Variants in RPH3A observed in about 807,000 individuals in gnomAD.
RPH3A encodes the protein rabphilin 3A.
RPH3A carries 48 observed loss-of-function variants against 102.2 expected under a neutral mutation model. The observed-to-expected ratio is 0.47, with a 90% CI of 0.37 to 0.60. RPH3A has a LOEUF of 0.60. Ranked by LOEUF, RPH3A falls within the 20% of genes least tolerant of loss-of-function variation. The probability of loss-of-function intolerance (pLI) is 0.00; values close to 1 mark genes in which losing one functional copy is unlikely to be tolerated. For synonymous variants in RPH3A, 310 were observed against 324.3 expected (o/e 0.96, Z 0.47); for missense variants, 781 against 910.1 (o/e 0.86, Z 1.83).
At position 112,710,218 on chromosome 12, in the gene RPH3A, C is replaced by T. The variant is rs149446085; in HGVS notation, c.-139-81925C>T. The stretch of plus-strand genomic sequence containing the variant: ...GTCTCGATCTCCTGACCTCGTGATC[C>T]GCCTGTCTCGGCCTCCCAAAGTGCT... On this transcript the variant is annotated intron_variant, in intron 1 of 21. Transcript: ENST00000543106. Among the ~76,000 whole-genome samples, 248 of 152,228 alleles carry T rather than the reference C, an allele frequency of 1.6e-3. 2 individuals carry two copies. Among genetic ancestry groups the T allele is most frequent in the African/African-American group, 5.7e-3 (238 of 41,542 alleles).
At chr12:112,636,673 C>A (rs147196683) in intron 1 of RPH3A, among the ~76,000 whole-genome samples, 67 of 152,250 alleles carry the variant, frequency 4.4e-4, no homozygotes, top group African/African-American at 1.6e-3. Context: ...CCATCTGCCA[C>A]ACTTAGTTTA....
chr12:112,699,136 G>T (rs1244026063), intron 1 of RPH3A, among the ~76,000 whole-genome samples: 5 of 152,168 alleles, frequency 3.3e-5, no homozygotes, highest in African/African-American at 1.2e-4. Flanking sequence ...GCCCAGGCTT[G>T]TGTCAAACTC....
At chr12:112,895,620 C>G in intron 20 of RPH3A, 157 bp from the exon 21 acceptor site, 1 of 577,394 alleles carries the variant, frequency 1.7e-6, no homozygotes, top group African/African-American at 1.8e-5. Context: ...ATCACGGGAC[C>G]TGGGGCAGAG....
chr12:112,871,789 T>C (rs925723385), intron 10 of RPH3A, among the ~76,000 whole-genome samples: 1 of 149,126 alleles, frequency 6.7e-6, no homozygotes. Flanking sequence ...AAATATACAA[T>C]ATACAGTATA....
At chr12:112,731,307 T>A (rs915270211) in intron 1 of RPH3A, among the ~76,000 whole-genome samples, 4 of 152,090 alleles carry the variant, frequency 2.6e-5, no homozygotes, top group African/African-American at 9.7e-5. Flanking sequence ...AAGTTTCCAT[T>A]CTCTGTTTTT....
intron 3 of RPH3A, among the ~76,000 whole-genome samples, chr12:112,832,171 A>G (rs1290241774): frequency 6.6e-6 from 1 of 151,888 alleles, no homozygotes; most frequent in South Asian, 2.1e-4. Context: ...CGTATTTTAT[A>G]TCTCTTTACC....
chr12:112,682,524 G>A (rs1039672271), intron 1 of RPH3A, among the ~76,000 whole-genome samples: 1 of 152,016 alleles, frequency 6.6e-6, no homozygotes, highest in African/African-American at 2.4e-5. Context: ...ACCCAGTCAA[G>A]TTAACACATA....
chr12:112,693,503 G>T (rs1241367832), intron 1 of RPH3A, among the ~76,000 whole-genome samples: 1 of 152,140 alleles, frequency 6.6e-6, no homozygotes, highest in African/African-American at 2.4e-5. Context: ...TGGTCTACAA[G>T]GCCTACATGA....
At chr12:112,859,527 C>T (rs2042472041) in intron 5 of RPH3A, among the ~76,000 whole-genome samples, 1 of 152,078 alleles carries the variant, frequency 6.6e-6, no homozygotes. Flanking sequence ...GGTGTGTTTC[C>T]TTCCTGATGT....
intron 1 of RPH3A, among the ~76,000 whole-genome samples, chr12:112,634,208 C>T (rs1215149747): frequency 8.5e-6 from 1 of 117,734 alleles, no homozygotes; most frequent in Non-Finnish European, 1.7e-5. Flanking sequence ...ATTAGCCGGG[C>T]GTAGTGGCGG....
At chr12:112,848,883 G>A (rs576211527) in intron 5 of RPH3A, among the ~76,000 whole-genome samples, 2 of 152,184 alleles carry the variant, frequency 1.3e-5, no homozygotes, top group South Asian at 4.2e-4. Flanking sequence ...TATGTGTTTG[G>A]AGGACTCTTG....
intron 1 of RPH3A, among the ~76,000 whole-genome samples, chr12:112,765,389 C>A (rs2040881684): frequency 2.0e-5 from 3 of 152,026 alleles, no homozygotes; most frequent in African/African-American, 7.2e-5. Context: ...TATTTTTGCC[C>A]ACAACAAGGG....
chr12:112,862,661 GCCT>G (rs998422758), intron 5 of RPH3A, among the ~76,000 whole-genome samples: 1 of 152,146 alleles, frequency 6.6e-6, no homozygotes, highest in Non-Finnish European at 1.5e-5. Flanking sequence ...TGTGCATGGT[GCCT>G]CCTCAAGCGG....
At chr12:112,671,635 G>A (rs1051754322) in intron 1 of RPH3A, among the ~76,000 whole-genome samples, 3 of 152,098 alleles carry the variant, frequency 2.0e-5, no homozygotes, top group Non-Finnish European at 4.4e-5. Flanking sequence ...TGAGGGACAA[G>A]GCCTATGTTC....
At chr12:112,696,956 A>G (rs2040357269) in intron 1 of RPH3A, among the ~76,000 whole-genome samples, 1 of 151,704 alleles carries the variant, frequency 6.6e-6, no homozygotes, top group Non-Finnish European at 1.5e-5. Context: ...TTATAATATT[A>G]ATAGTAACAA....
intron 5 of RPH3A, 115 bp downstream of exon 5, chr12:112,847,957 A>C: frequency 8.3e-7 from 1 of 1,207,882 alleles, no homozygotes; most frequent in Admixed American, 2.5e-5. Flanking sequence ...GGGCTTTGCC[A>C]TTTGTGACTT....
chr12:112,883,787 T>A lies in RPH3A; in HGVS notation c.1436+385T>A, dbSNP rs575172978. On this transcript the variant is annotated intron_variant, in intron 16 of 21. Coordinates refer to ENST00000389385, the MANE Select transcript of RPH3A (RefSeq NM_001143854.2). ...AGAATACACTGATGCCATTTCACAT[T>A]CTTCTACAGTGTTGAATTATTAGGC... is the stretch of plus-strand genomic sequence containing the variant. 4.8e-4 allele frequency among the ~76,000 whole-genome samples: 73 copies of A among 152,320 alleles called. 1 individual carries two copies. In the South Asian group the frequency reaches 0.014, roughly 30 times the overall value.
chr12:112,832,066 G>A (rs1409243930), intron 3 of RPH3A, among the ~76,000 whole-genome samples: 2 of 151,872 alleles, frequency 1.3e-5, no homozygotes, highest in African/African-American at 4.8e-5. Flanking sequence ...TCCCTATCTG[G>A]AATCTGATTA....
At chr12:112,750,139 C>T (rs971299354) in intron 1 of RPH3A, among the ~76,000 whole-genome samples, 4 of 152,256 alleles carry the variant, frequency 2.6e-5, no homozygotes, top group African/African-American at 7.2e-5. Flanking sequence ...CTATTATAAG[C>T]CTTACAGCAC....
Sources: allele counts gnomAD v4.1 joint callset (sites outside exome capture counted in the v4.1 genomes callset), GRCh38; gene constraint gnomAD v4.1.1; transcripts MANE v1.5; gene names NCBI Gene and HGNC (gene_info 2026-07-23, HGNC 2026-07-21).